The following ZNF674 variants were observed in gnomAD, a reference collection of about 807,000 sequenced individuals.
The protein encoded by ZNF674 is zinc finger family member 674.
ZNF674 carries 2 observed loss-of-function variants against 7.0 expected under a neutral mutation model. The ratio of observed to expected loss-of-function variants is 0.29; its 90% CI spans 0.12 to 0.90. The LOEUF is 0.90. ZNF674 is among the 40% of genes least tolerant of loss of function. The probability of loss-of-function intolerance (pLI) is 0.57; values close to 1 mark genes in which losing one functional copy is unlikely to be tolerated. For missense variants in ZNF674, 297 were observed against 415.5 expected (o/e 0.71, Z 2.48); for synonymous variants, 103 against 145.2 (o/e 0.71, Z 2.09).
At chrX:46,508,040 C>T (rs1174043262) in intron 5 of ZNF674, among the ~76,000 whole-genome samples, 1 of 95,426 alleles carries the variant, frequency 1.0e-5, no homozygotes, top group Non-Finnish European at 2.1e-5. Flanking sequence ...GCATGACCTA[C>T]GTTAATAAAA....
At chrX:46,510,980 C>G (rs944910863) in intron 5 of ZNF674, among the ~76,000 whole-genome samples, 5 of 111,762 alleles carry the variant, frequency 4.5e-5, no homozygotes, top group African/African-American at 1.6e-4. Context: ...AACAACCAGC[C>G]TACTTTACAG....
At chrX:46,506,502 A>G (rs1941543490) in intron 5 of ZNF674, among the ~76,000 whole-genome samples, 1 of 111,610 alleles carries the variant, frequency 9.0e-6, no homozygotes. Context: ...ATATGGGGAT[A>G]TGTCAGAGCA....
intron 5 of ZNF674, among the ~76,000 whole-genome samples, chrX:46,508,184 T>C (rs1941576790): frequency 9.0e-6 from 1 of 111,593 alleles, no homozygotes; most frequent in South Asian, 3.7e-4. Flanking sequence ...AATTCAATAA[T>C]TGTTTTTTTA....
chrX:46,511,390 A>G (rs997249748), intron 5 of ZNF674, among the ~76,000 whole-genome samples: 8 of 112,114 alleles, frequency 7.1e-5, no homozygotes, highest in Non-Finnish European at 1.1e-4. Context: ...GTGATAGGAA[A>G]GAAGATCCCA....
intron 2 of ZNF674, among the ~76,000 whole-genome samples, chrX:46,543,297 G>A (rs897521752): frequency 8.0e-5 from 9 of 111,985 alleles, no homozygotes; most frequent in African/African-American, 1.6e-4. Context: ...TACATTGTTC[G>A]GTGATTTTAA....
chrX:46,525,192 A>G (rs1361379880), intron 5 of ZNF674, among the ~76,000 whole-genome samples: 1 of 110,904 alleles, frequency 9.0e-6, no homozygotes, highest in Non-Finnish European at 1.9e-5. Flanking sequence ...TACAAATAAA[A>G]AATTATACTT....
intron 3 of ZNF674, among the ~76,000 whole-genome samples, chrX:46,539,295 T>A (rs1309379280): frequency 8.9e-6 from 1 of 112,990 alleles, no homozygotes; most frequent in Non-Finnish European, 1.9e-5. Context: ...CATTGGATAA[T>A]GCACTGTGAT....
intron 5 of ZNF674, among the ~76,000 whole-genome samples, chrX:46,516,723 G>A (rs1179008252): frequency 1.8e-5 from 2 of 112,610 alleles, no homozygotes; most frequent in African/African-American, 3.2e-5. Context: ...TGGACTGGGC[G>A]CGGTGGCTCT....
chrX:46,529,113 C>T, intron 3 of ZNF674: 1 of 681,453 alleles, frequency 1.5e-6, no homozygotes, highest in South Asian at 2.9e-5. Flanking sequence ...GTCCAGGTCA[C>T]ACAGCCAGGA....
At chrX:46,541,110 C>T (rs1332259016) in intron 3 of ZNF674, among the ~76,000 whole-genome samples, 1 of 105,762 alleles carries the variant, frequency 9.5e-6, no homozygotes, top group Non-Finnish European at 1.9e-5. Context: ...ACCTGTAATC[C>T]CAGCACTTTG....
intron 5 of ZNF674, among the ~76,000 whole-genome samples, chrX:46,508,901 C>T (rs762905245): frequency 2.7e-5 from 3 of 111,136 alleles, no homozygotes; most frequent in Admixed American, 9.7e-5. Context: ...ACAATCATGT[C>T]ATCTGCAAAC....
intron 5 of ZNF674, among the ~76,000 whole-genome samples, chrX:46,508,679 C>T (rs921159672): frequency 7.5e-4 from 83 of 111,329 alleles, no homozygotes; most frequent in African/African-American, 2.7e-3. Context: ...AGGTCCTTCA[C>T]GTCCCTTGTA....
At chrX:46,519,273 T>TGATTGATA (rs1556015427) in intron 5 of ZNF674, among the ~76,000 whole-genome samples, 167 of 75,070 alleles carry the variant, frequency 2.2e-3, no homozygotes, top group Admixed American at 3.0e-3. Flanking sequence ...TAAAGATAGA[T>TGATTGATA]GATAGATAGA....
chrX:46,535,456 T>G (rs1052567541), intron 3 of ZNF674, among the ~76,000 whole-genome samples: 9 of 111,908 alleles, frequency 8.0e-5, no homozygotes, highest in African/African-American at 2.9e-4. Flanking sequence ...AAAAATTATA[T>G]TATGAAACAT....
intron 5 of ZNF674, among the ~76,000 whole-genome samples, chrX:46,503,225 A>G (rs867616576): frequency 8.9e-6 from 1 of 112,615 alleles, no homozygotes; most frequent in Non-Finnish European, 1.9e-5. Context: ...AAAGAATAAT[A>G]TCTTCTCTGT....
chrX:46,533,103 G>A (rs181268991), intron 3 of ZNF674, among the ~76,000 whole-genome samples: 5 of 111,356 alleles, frequency 4.5e-5, no homozygotes, highest in Admixed American at 1.9e-4. Context: ...TATTCCGGAG[G>A]TCACAAGATT....
At chrX:46,512,000 G>GTCTCTAAATAAATAAGTACATAAATTC (rs1941662930) in intron 5 of ZNF674, among the ~76,000 whole-genome samples, 1 of 105,263 alleles carries the variant, frequency 9.5e-6, no homozygotes, top group Non-Finnish European at 1.9e-5. Context: ...TCCAGCCTGG[G>GTCTCTAAATAAATAAGTACATAAATTC]CAACAAGAGT....
chrX:46,516,959 G>A (rs920068587), intron 5 of ZNF674, among the ~76,000 whole-genome samples: 1 of 109,003 alleles, frequency 9.2e-6, no homozygotes, highest in Non-Finnish European at 1.9e-5. Context: ...AGCTGAGATT[G>A]TGCCACTGCA....
chrX:46,515,321 T>C (rs1381317109), intron 5 of ZNF674, among the ~76,000 whole-genome samples: 1 of 106,927 alleles, frequency 9.4e-6, no homozygotes, highest in Non-Finnish European at 1.9e-5. Context: ...GTGAGCTGAG[T>C]TGGTGCCATT....
Sources: allele counts gnomAD v4.1 joint callset (sites outside exome capture counted in the v4.1 genomes callset), GRCh38; gene constraint gnomAD v4.1.1; transcripts MANE v1.5; gene names NCBI Gene and HGNC (gene_info 2026-07-23, HGNC 2026-07-21).